IQCH: variants seen among roughly 807,000 people sequenced by gnomAD.
The protein encoded by IQCH is IQ motif containing H.
In IQCH, 98 loss-of-function variants were observed where a neutral mutation model predicts 117.0. The ratio of observed to expected loss-of-function variants is 0.84; its 90% CI spans 0.71 to 0.99. The LOEUF (loss-of-function observed/expected upper bound fraction) is 0.99, where lower values mean the gene tolerates loss of function less well. Ranked by LOEUF, IQCH falls within the 50% of genes least tolerant of loss-of-function variation. IQCH has a pLI of 0.00. For missense variants in IQCH, 1,102 were observed against 1,243.8 expected, an observed-to-expected ratio of 0.89 and a Z score of 1.72; for synonymous variants, 412 against 448.2, an observed-to-expected ratio of 0.92 and a Z score of 1.02.
rs550653696 is a variant in IQCH, at chr15:67,296,208, A to G, written c.387+16696A>G. Among the ~76,000 whole-genome samples the G allele has an allele frequency of 5.6e-4, 86 of 152,280 alleles. 2 individuals carry two copies. In the South Asian group the frequency reaches 0.018, roughly 31 times the overall value. On this transcript the variant is annotated intron_variant, in intron 4 of 20. Transcript: ENST00000335894. ...TGAATGAATTCTGTTAAAGAAAGAG[A>G]GATAGAGGTTGGAGGAGACCTCCCA...
intron 18 of IQCH, among the ~76,000 whole-genome samples, chr15:67,483,005 GTAAGCCTTT>G (rs1335174479): frequency 1.3e-5 from 2 of 152,182 alleles, no homozygotes; most frequent in African/African-American, 4.8e-5. Context: ...ACAGCTTTGT[GTAAGCCTTT>G]CATTTCTGTT....
At chr15:67,378,648 T>C (rs549737529) in intron 10 of IQCH, among the ~76,000 whole-genome samples, 1 of 152,080 alleles carries the variant, frequency 6.6e-6, no homozygotes, top group Non-Finnish European at 1.5e-5. Context: ...TCAGAGTTGG[T>C]CCCGTGATCT....
chr15:67,326,999 G>A (rs1838502), intron 4 of IQCH, among the ~76,000 whole-genome samples: 31 of 152,192 alleles, frequency 2.0e-4, no homozygotes, highest in African/African-American at 7.2e-4. Flanking sequence ...TTTACTTAAA[G>A]CATTGAAAAT....
At position 67,463,595 on chromosome 15, in the gene IQCH, CTGAGA is replaced by C. The variant is rs2082854934; in HGVS notation, c.2506-1530_2506-1526del. ...TTATTTTTTAGGCTACCACAGAGAT[CTGAGA>C]TATTTATGATTCACCCAGCTTCATA... is the stretch of plus-strand genomic sequence containing the variant. On this transcript the variant is annotated intron_variant, in intron 16 of 20. Transcript: ENST00000335894. The surrounding 1 kb of genome is among the most constrained non-coding windows in gnomAD (Gnocchi z 4.0). Among the ~76,000 whole-genome samples the C allele has an allele frequency of 6.6e-6, 1 of 152,134 alleles. No homozygotes were observed.
intron 4 of IQCH, among the ~76,000 whole-genome samples, chr15:67,314,327 T>C (rs746341896): frequency 2.6e-5 from 4 of 152,070 alleles, no homozygotes; most frequent in Non-Finnish European, 4.4e-5. Flanking sequence ...GCCTCAGCAC[T>C]GGACAGTATG....
intron 16 of IQCH, among the ~76,000 whole-genome samples, chr15:67,460,561 G>A (rs2082767248): frequency 2.0e-5 from 3 of 152,154 alleles, no homozygotes; most frequent in Admixed American, 6.5e-5. Context: ...AGTAATATAG[G>A]TAATACTGAG....
chr15:67,343,919 T>A (rs1313021824), intron 5 of IQCH, 144 bp from the exon 6 acceptor site: 4 of 601,244 alleles, frequency 6.7e-6, no homozygotes, highest in African/African-American at 1.9e-5. Flanking sequence ...GTAGCTATTT[T>A]TTTATGCAAA....
chr15:67,429,358 T>A (rs543412772), intron 16 of IQCH, among the ~76,000 whole-genome samples: 23 of 152,116 alleles, frequency 1.5e-4, no homozygotes, highest in East Asian at 3.9e-4. Flanking sequence ...CTACAAAAAA[T>A]TTTTTAAAAA....
chr15:67,431,060 G>T lies in IQCH; in HGVS notation c.2505+9483G>T, dbSNP rs1375784111. 6.6e-6 allele frequency among the ~76,000 whole-genome samples: 1 copy of T among 152,106 alleles called. No homozygotes were observed. Among genetic ancestry groups the T allele is most frequent in the Non-Finnish European group, 1.5e-5 (1 of 68,022 alleles). On this transcript the variant is annotated intron_variant, in intron 16 of 20. Transcript: ENST00000335894. This position sits in a 1 kb window ranked among gnomAD's most constrained non-coding sequence, Gnocchi z 4.8. ...GAAAGAAAATTAGGATATGAGGAGG[G>T]TAAGAAAGAGTGTATTCCAAGTGAG...
chr15:67,369,959 C>T lies in IQCH; in HGVS notation c.754-2152C>T, dbSNP rs1970467786. On this transcript the variant is annotated intron_variant, in intron 8 of 20. Coordinates refer to ENST00000335894, the MANE Select transcript of IQCH (RefSeq NM_001031715.3). The surrounding 1 kb of genome is among the most constrained non-coding windows in gnomAD (Gnocchi z 5.2). Reference sequence around the variant, plus strand: ...CTGTTTGATGTCCAGGAGTATGTTTCCTTTGAGAGCAGGTCTTTGCTGGAA... The same window carrying T: ...CTGTTTGATGTCCAGGAGTATGTTTTCTTTGAGAGCAGGTCTTTGCTGGAA... Among the ~76,000 whole-genome samples, 1 of 152,138 alleles carries T rather than the reference C, an allele frequency of 6.6e-6. No individual in the cohort carries two copies. Among genetic ancestry groups the T allele is most frequent in the African/African-American group, 2.4e-5 (1 of 41,418 alleles).
intron 4 of IQCH, among the ~76,000 whole-genome samples, chr15:67,288,862 G>T (rs182223206): frequency 6.6e-6 from 1 of 152,244 alleles, no homozygotes; most frequent in African/African-American, 2.4e-5. Context: ...AGCACTGTGG[G>T]CTACAGAATC....
chr15:67,371,382 G>C (rs942356263), intron 8 of IQCH: 1 of 853,378 alleles, frequency 1.2e-6, no homozygotes, highest in African/African-American at 1.8e-5. Context: ...GTCAATACAG[G>C]TGGGAACAAA....
At chr15:67,279,555 A>T (rs1334229782) in intron 4 of IQCH, 43 bp downstream of exon 4, 1 of 1,158,572 alleles carries the variant, frequency 8.6e-7, no homozygotes, top group Admixed American at 2.0e-5. Context: ...TAGTTTAGTG[A>T]TTGCCAGGGG....
intron 4 of IQCH, among the ~76,000 whole-genome samples, chr15:67,306,643 A>G (rs1967310558): frequency 6.6e-6 from 1 of 152,098 alleles, no homozygotes; most frequent in African/African-American, 2.4e-5. Context: ...TTGAAAACAC[A>G]TATACCCCCT....
At position 67,376,353 on chromosome 15, in the gene IQCH, C is replaced by G. The variant is rs1020744058; in HGVS notation, c.1372+2920C>G. Among the ~76,000 whole-genome samples the G allele has an allele frequency of 3.3e-5, 5 of 152,164 alleles. No homozygotes were observed. The highest frequency in any genetic ancestry group is 1.2e-4 in the African/African-American group (5 of 41,438). ...GATGAAAGTGAAGCAAATTTTTTCT[C>G]TAAATGTACTGGAAGAAAACTAATC... On this transcript the variant is annotated intron_variant, in intron 10 of 20. Coordinates refer to ENST00000335894, the MANE Select transcript of IQCH (RefSeq NM_001031715.3). This position sits in a 1 kb window ranked among gnomAD's most constrained non-coding sequence, Gnocchi z 5.0.
In IQCH at chr15:67,445,592, C is replaced by A. The variant is rs189792204; in HGVS notation, c.2506-19535C>A. 7.9e-4 allele frequency among the ~76,000 whole-genome samples: 120 copies of A among 152,264 alleles called. 2 individuals are homozygous for A. The highest frequency in any genetic ancestry group is 2.0e-3 in the African/African-American group (85 of 41,552). Reference sequence around the variant, plus strand: ...TAGCTGGGGTTGCAGGTGTGTGCCACCACACCAGGCTAATTTTTATATTTT... The same window carrying A: ...TAGCTGGGGTTGCAGGTGTGTGCCAACACACCAGGCTAATTTTTATATTTT... On this transcript the variant is annotated intron_variant, in intron 16 of 20. Coordinates refer to ENST00000335894, the MANE Select transcript of IQCH (RefSeq NM_001031715.3). The surrounding 1 kb of genome is among the most constrained non-coding windows in gnomAD (Gnocchi z 4.3).
intron 5 of IQCH, among the ~76,000 whole-genome samples, chr15:67,343,261 T>C (rs1309848697): frequency 6.6e-6 from 1 of 152,196 alleles, no homozygotes; most frequent in Non-Finnish European, 1.5e-5. Context: ...CTTTCTATTA[T>C]GTAAAAGAGC....
rs758149730 is a variant in IQCH, at chr15:67,357,441, T to G, written c.714+20T>G. On this transcript the variant is annotated intron_variant, in intron 7 of 20. Transcript: ENST00000335894. ...TCAAAGGTATTTATATTCCTCACTA[T>G]AGAAAGAAAATTATTCTTATTTACA... is the stretch of plus-strand genomic sequence containing the variant. 6.2e-6 allele frequency: 9 copies of G among 1,459,714 alleles called. No individual in the cohort carries two copies. The highest frequency in any genetic ancestry group is 6.7e-6 in the Non-Finnish European group (7 of 1,039,240). The allele number at this position is 1,459,714 out of a possible 1,614,324, so 90.4% of individuals were successfully genotyped here.
At position 67,417,718 on chromosome 15, in the gene IQCH, TC is replaced by T. The variant is rs2081612847; in HGVS notation, c.2218+670del. ...TGATGCCTGTCTACCGTCTCAGAGGTCCCTGTCAGATGTTACACAGAGGCAC... is the reference window on the plus strand; with the variant it reads ...TGATGCCTGTCTACCGTCTCAGAGGTCCTGTCAGATGTTACACAGAGGCAC... On this transcript the variant is annotated intron_variant, in intron 15 of 20. Coordinates refer to ENST00000335894, the MANE Select transcript of IQCH (RefSeq NM_001031715.3). This position sits in a 1 kb window ranked among gnomAD's most constrained non-coding sequence, Gnocchi z 4.3. Among the ~76,000 whole-genome samples the T allele has an allele frequency of 6.6e-6, 1 of 151,900 alleles. No homozygotes were observed. Among genetic ancestry groups the T allele is most frequent in the Admixed American group, 6.6e-5 (1 of 15,252 alleles).
Sources: gnomAD v4.1 joint callset for allele counts (sites outside exome capture counted in the v4.1 genomes callset) on GRCh38, gnomAD v4.1.1 for gene constraint, Gnocchi (gnomAD v3.1) non-coding constraint, MANE v1.5 for transcripts, NCBI Gene and HGNC (gene_info 2026-07-23, HGNC 2026-07-21) for gene names.